Variants in CD72 observed in about 807,000 individuals in gnomAD.
The protein encoded by CD72 is B-cell differentiation antigen CD72.
Under a neutral mutation model 50.7 loss-of-function variants are expected in CD72, and 28 were observed. That is an observed-to-expected ratio of 0.55 (90% confidence interval 0.41 to 0.76). The LOEUF is 0.76. CD72 is among the 30% of genes least tolerant of loss of function. The probability of loss-of-function intolerance (pLI) is 0.00; values close to 1 mark genes in which losing one functional copy is unlikely to be tolerated. For missense variants in CD72, 403 were observed against 420.6 expected, an observed-to-expected ratio of 0.96 and a Z score of 0.37; for synonymous variants, 176 against 171.2, an observed-to-expected ratio of 1.03 and a Z score of -0.22.
intron 1 of CD72, chr9:35,643,432 C>T (rs193011735): frequency 1.2e-4 from 19 of 152,388 alleles, no homozygotes; most frequent in Admixed American, 1.2e-3. Flanking sequence ...GGTCTACTCA[C>T]ACCATAGCCA....
In CD72 at chr9:35,616,947, G is replaced by A. The variant is rs919783371; in HGVS notation, c.262+229C>T. ...AGGGGAAGGAAATATCAGACGGAGA[G>A]AGGGGAAGGGGGGCAGGTAGGTGAA... On this transcript the variant is annotated intron_variant, in intron 3 of 8. Transcript: ENST00000259633. 5 of 1,410,106 alleles carry A rather than the reference G, an allele frequency of 3.5e-6. No homozygotes were observed. In the African/African-American group the frequency reaches 4.3e-5, roughly 12 times the overall value. 87.3% of individuals were successfully genotyped at this position (1,410,106 alleles called of 1,614,324 possible). A position where few individuals can be genotyped will look rare whatever the true frequency, so the allele number is the denominator to read the frequency against.
chr9:35,627,969 A>G (rs938883145), intron 1 of CD72, among the ~76,000 whole-genome samples: 10 of 151,970 alleles, frequency 6.6e-5, no homozygotes, highest in African/African-American at 2.4e-4. Flanking sequence ...CCAAGTAACT[A>G]GGACTACAGG....
At position 35,612,851 on chromosome 9, in the gene CD72, T is replaced by C. The variant is rs1311146481; in HGVS notation, c.831A>G (p.Gln277=). ...KLATFSEIYP[Q]SHSYYFLNSL... The stretch of plus-strand genomic sequence containing the variant: ...CTGTGAGTAAGGATATGCTTACTGA[T>C]TGTGGATAAATTTCACTGAATGTGG... The change falls in exon 6 of 9, where the codon CAA becomes CAG. Residue 277 remains glutamine (Q), a synonymous_variant. Transcript: ENST00000259633. The C allele has an allele frequency of 4.3e-6, 7 of 1,614,170 alleles. No individual in the cohort carries two copies. The highest frequency in any genetic ancestry group is 5.9e-6 in the Non-Finnish European group (7 of 1,179,972).
intron 2 of CD72, 47 bp downstream of exon 2, chr9:35,617,967 C>G (rs760287212): frequency 8.7e-7 from 1 of 1,143,444 alleles, no homozygotes; most frequent in East Asian, 2.3e-5. Context: ...CTCCCCAGCT[C>G]AAGACACAGC....
intron 1 of CD72, among the ~76,000 whole-genome samples, chr9:35,625,205 T>G (rs970743234): frequency 7.2e-5 from 11 of 152,196 alleles, no homozygotes; most frequent in African/African-American, 2.7e-4. Flanking sequence ...GAAAAGTTCT[T>G]GAAGGAAATT....
At chr9:35,627,710 G>T (rs1183485040) in intron 1 of CD72, among the ~76,000 whole-genome samples, 2 of 152,194 alleles carry the variant, frequency 1.3e-5, no homozygotes, top group East Asian at 1.9e-4. Flanking sequence ...AGAGTGAGGG[G>T]AGTCTAGTGT....
At chr9:35,613,915 G>A (rs1318315643) in intron 5 of CD72, among the ~76,000 whole-genome samples, 1 of 152,056 alleles carries the variant, frequency 6.6e-6, no homozygotes, top group Non-Finnish European at 1.5e-5. Context: ...TGAGGCAAAA[G>A]GATAGCTTGA....
intron 1 of CD72, among the ~76,000 whole-genome samples, chr9:35,633,814 A>G (rs1823267449): frequency 6.6e-6 from 1 of 152,238 alleles, no homozygotes; most frequent in African/African-American, 2.4e-5. Context: ...TCGAAAATGC[A>G]TTTAATACCC....
chr9:35,646,385 A>G (rs1823392825), intron 1 of CD72: 2 of 152,226 alleles, frequency 1.3e-5, no homozygotes, highest in Non-Finnish European at 2.9e-5. Flanking sequence ...GAGGGAAAGG[A>G]GTCCACTAGG....
At chr9:35,617,342 C>T in intron 2 of CD72, 95 bp from the exon 3 acceptor site, 1 of 1,388,346 alleles carries the variant, frequency 7.2e-7, no homozygotes, top group Non-Finnish European at 9.7e-7. Context: ...TGGGAAACTC[C>T]AGTCTGCCCT....
chr9:35,616,538 G>T (rs898282843), intron 4 of CD72, 62 bp downstream of exon 4: 5 of 1,304,736 alleles, frequency 3.8e-6, no homozygotes, highest in Non-Finnish European at 5.6e-6. Context: ...GATCAGCTTT[G>T]GGGCGAGAGT....
chr9:35,610,838 A>C, intron 7 of CD72, 85 bp from the exon 8 acceptor site: 2 of 1,122,656 alleles, frequency 1.8e-6, no homozygotes, highest in Non-Finnish European at 2.6e-6. Context: ...TAAAACCTAA[A>C]TCCTAACTCA....
chr9:35,630,915 T>C (rs1823240875), intron 1 of CD72, among the ~76,000 whole-genome samples: 1 of 152,126 alleles, frequency 6.6e-6, no homozygotes, highest in Admixed American at 6.6e-5. Flanking sequence ...AAATACAAAA[T>C]AATAATAATA....
chr9:35,633,914 A>G (rs538118332), intron 1 of CD72, among the ~76,000 whole-genome samples: 2 of 152,306 alleles, frequency 1.3e-5, no homozygotes, highest in South Asian at 4.1e-4. Flanking sequence ...TTTTAAAATA[A>G]TATTTAATAT....
chr9:35,616,035 A>G lies in CD72; in HGVS notation c.596T>C (p.Leu199Ser). The G allele has an allele frequency of 1.9e-6, 3 of 1,613,958 alleles. No homozygotes were observed. Among genetic ancestry groups the G allele is most frequent in the African/African-American group, 1.3e-5 (1 of 74,970 alleles). ...CCTCCTCTGTTGCTCCTCACTTTGC[A>G]AGGTCTCCTTCGTCTTCTGTCTGTC... Reference protein sequence around the residue: ...QADRQKTKETLQSEEQQRRAL... With the variant: ...QADRQKTKETSQSEEQQRRAL... The change falls in exon 5 of 9, where the codon TTG becomes TCG. Residue 199 changes from leucine to serine, a missense_variant. Coordinates refer to ENST00000259633, the MANE Select transcript of CD72 (RefSeq NM_001782.3).
Position 35,615,942 on chromosome 9 carries a change from C to G in CD72, c.688+1G>C, listed in dbSNP as rs1298751726. 6.2e-7 allele frequency: 1 copy of G among 1,611,446 alleles called. No individual in the cohort carries two copies. Among genetic ancestry groups the G allele is most frequent in the Non-Finnish European group, 8.5e-7 (1 of 1,178,474 alleles). ...TTCTCTCCTCTCCCCAGAGCGGATA[C>G]CTGCTGAGCCGCATGTGAAGAAGGG... On this transcript the variant is annotated splice_donor_variant, in intron 5 of 8. Coordinates refer to ENST00000259633, the MANE Select transcript of CD72 (RefSeq NM_001782.3). LOFTEE classifies it high-confidence loss of function.
intron 1 of CD72, among the ~76,000 whole-genome samples, chr9:35,638,708 T>C (rs1823313016): frequency 6.6e-6 from 1 of 151,328 alleles, no homozygotes; most frequent in African/African-American, 2.4e-5. Flanking sequence ...AAAGAGTTTT[T>C]TCTCTAGCCC....
At chr9:35,632,615 C>T (rs1228635587) in intron 1 of CD72, among the ~76,000 whole-genome samples, 32 of 147,646 alleles carry the variant, frequency 2.2e-4, no homozygotes, top group African/African-American at 4.8e-4. Flanking sequence ...CTTACTCTGT[C>T]GCCCAGGCTG....
intron 1 of CD72, among the ~76,000 whole-genome samples, chr9:35,637,258 GC>G (rs1384770735): frequency 6.6e-6 from 1 of 152,156 alleles, no homozygotes; most frequent in Admixed American, 6.5e-5. Context: ...TTCGGACTCA[GC>G]CCGCCTGCAC....
Sources: gnomAD v4.1 joint callset for allele counts (sites outside exome capture counted in the v4.1 genomes callset) on GRCh38, gnomAD v4.1.1 for gene constraint, MANE v1.5 for transcripts, NCBI Gene and HGNC (gene_info 2026-07-23, HGNC 2026-07-21) for gene names.